LRRC37A2: variants seen among roughly 807,000 people sequenced by gnomAD.
LRRC37A2 encodes leucine rich repeat containing 37 member A2, also known as leucine-rich repeat-containing protein 37A2.
Under a neutral mutation model 68.8 loss-of-function variants are expected in LRRC37A2, and 9 were observed. The ratio of observed to expected loss-of-function variants is 0.13; its 90% CI spans 0.08 to 0.23. The LOEUF (loss-of-function observed/expected upper bound fraction) is 0.23, where lower values mean the gene tolerates loss of function less well. Ranked by LOEUF, LRRC37A2 falls within the 10% of genes least tolerant of loss-of-function variation. The probability of loss-of-function intolerance (pLI) is 1.00; values close to 1 mark genes in which losing one functional copy is unlikely to be tolerated. For synonymous variants in LRRC37A2, 63 were observed against 367.6 expected, an observed-to-expected ratio of 0.17 and a Z score of 9.48; for missense variants, 168 against 950.4, an observed-to-expected ratio of 0.18 and a Z score of 10.82.
At chr17:46,983,001 T>C in the LRRC37A2 span, among the ~76,000 whole-genome samples, 1 of 152,160 alleles carries the variant, frequency 6.6e-6, no homozygotes, top group East Asian at 1.9e-4. Flanking sequence ...GGGGAGCATA[T>C]TTGGCTTTCT....
chr17:46,741,803 G>A, the LRRC37A2 span, among the ~76,000 whole-genome samples: 3 of 152,116 alleles, frequency 2.0e-5, no homozygotes, highest in African/African-American at 7.2e-5. Flanking sequence ...TTTTGCTCTT[G>A]TTGCCCAGGC....
the LRRC37A2 span, among the ~76,000 whole-genome samples, chr17:46,968,064 C>A: frequency 0.038 from 5,781 of 152,036 alleles, 211 homozygotes; most frequent in African/African-American, 0.098. Context: ...GGGATGGGGG[C>A]CTTCTTCAGC....
At chr17:46,955,310 G>A in the LRRC37A2 span, among the ~76,000 whole-genome samples, 1 of 152,122 alleles carries the variant, frequency 6.6e-6, no homozygotes. Flanking sequence ...TTATATGCTG[G>A]ATTACGTTTA....
At chr17:46,936,984 T>A in the LRRC37A2 span, 8 of 209,762 alleles carry the variant, frequency 3.8e-5, no homozygotes, top group Non-Finnish European at 4.9e-5. Flanking sequence ...AAAAAAAGGA[T>A]ATGGGGCATG....
At chr17:46,377,571 C>CTT in the LRRC37A2 span, among the ~76,000 whole-genome samples, 2 of 38,714 alleles carry the variant, frequency 5.2e-5, no homozygotes, top group Middle Eastern at 0.015. Flanking sequence ...ATCACTGGAT[C>CTT]TTTTTTTTTT....
chr17:46,464,383 CTT>C, the LRRC37A2 span, among the ~76,000 whole-genome samples: 1 of 38,914 alleles, frequency 2.6e-5, no homozygotes, highest in Non-Finnish European at 8.1e-5. Flanking sequence ...TAAATAAGAA[CTT>C]AAATATATAA....
At chr17:47,043,535 G>A in the LRRC37A2 span, among the ~76,000 whole-genome samples, 1 of 151,562 alleles carries the variant, frequency 6.6e-6, no homozygotes, top group African/African-American at 2.4e-5. Context: ...CCCTCAAAGC[G>A]CTCATAGTCC....
the LRRC37A2 span, among the ~76,000 whole-genome samples, chr17:46,921,410 A>G: frequency 2.6e-5 from 4 of 152,246 alleles, no homozygotes; most frequent in African/African-American, 9.6e-5. Context: ...ACCATTCAGG[A>G]CATAGGCATG....
the LRRC37A2 span, among the ~76,000 whole-genome samples, chr17:47,028,050 T>G: frequency 6.6e-6 from 1 of 152,198 alleles, no homozygotes; most frequent in Non-Finnish European, 1.5e-5. Flanking sequence ...GAAATAAAGA[T>G]CACTTAACAC....
chr17:46,815,023 G>A, the LRRC37A2 span, among the ~76,000 whole-genome samples: 2 of 152,182 alleles, frequency 1.3e-5, no homozygotes, highest in Non-Finnish European at 2.9e-5. Context: ...GTGTAAGGAA[G>A]CAGACCCAGA....
the LRRC37A2 span, among the ~76,000 whole-genome samples, chr17:46,859,138 A>G: frequency 1.3e-5 from 2 of 151,512 alleles, no homozygotes; most frequent in Non-Finnish European, 2.9e-5. Flanking sequence ...CACTGTGCCT[A>G]GCTAATTTTG....
At chr17:46,883,209 C>A in the LRRC37A2 span, among the ~76,000 whole-genome samples, 4 of 151,816 alleles carry the variant, frequency 2.6e-5, no homozygotes, top group Admixed American at 1.3e-4. Flanking sequence ...GTCTTGATCT[C>A]CTGACCTCGT....
the LRRC37A2 span, chr17:46,831,547 AG>A: frequency 6.6e-4 from 101 of 152,604 alleles, 1 homozygote; most frequent in South Asian, 0.02. Flanking sequence ...GGCCCATCAG[AG>A]GCTTTCTTCA....
the LRRC37A2 span, among the ~76,000 whole-genome samples, chr17:46,803,980 G>A: frequency 6.6e-6 from 1 of 152,122 alleles, no homozygotes; most frequent in Admixed American, 6.5e-5. Flanking sequence ...TTTCCCTTAT[G>A]TCCTGGCTGT....
At chr17:46,787,110 T>C in the LRRC37A2 span, among the ~76,000 whole-genome samples, 11 of 151,974 alleles carry the variant, frequency 7.2e-5, no homozygotes, top group Non-Finnish European at 1.5e-4. Flanking sequence ...GCTAAGTTTT[T>C]AAAATTTTTT....
At chr17:46,972,358 T>TAGTGGGA in the LRRC37A2 span, among the ~76,000 whole-genome samples, 2 of 152,194 alleles carry the variant, frequency 1.3e-5, no homozygotes, top group Non-Finnish European at 2.9e-5. Flanking sequence ...AGTCCAGCTA[T>TAGTGGGA]AGTGGGAAGA....
chr17:46,986,074 C>T, the LRRC37A2 span, among the ~76,000 whole-genome samples: 1 of 152,016 alleles, frequency 6.6e-6, no homozygotes, highest in Admixed American at 6.6e-5. Context: ...GATTTCATTG[C>T]TATAGGACTT....
At chr17:46,769,405 C>T in the LRRC37A2 span, among the ~76,000 whole-genome samples, 2 of 151,910 alleles carry the variant, frequency 1.3e-5, no homozygotes, top group Non-Finnish European at 2.9e-5. Context: ...GGGAACTTAA[C>T]GTGACTCACC....
At chr17:46,875,339 C>G in the LRRC37A2 span, 4 of 1,610,640 alleles carry the variant, frequency 2.5e-6, no homozygotes, top group Non-Finnish European at 3.4e-6. Context: ...CACGGGCAGA[C>G]GCCCACAATA....
Sources: allele counts gnomAD v4.1 joint callset (sites outside exome capture counted in the v4.1 genomes callset), GRCh38; gene constraint gnomAD v4.1.1; transcripts MANE v1.5; gene names NCBI Gene and HGNC (gene_info 2026-07-23, HGNC 2026-07-21).